SLC4A10: variants seen among roughly 807,000 people sequenced by gnomAD.
SLC4A10 encodes sodium-driven chloride bicarbonate exchanger.
In SLC4A10, 42 loss-of-function variants were observed where a neutral mutation model predicts 137.7. That is an observed-to-expected ratio of 0.30 (90% CI 0.24 to 0.39). The LOEUF is 0.39. Ranked by LOEUF, SLC4A10 falls within the 10% of genes least tolerant of loss-of-function variation. SLC4A10 has a pLI of 1.00. For missense variants in SLC4A10, 925 were observed against 1,355.0 expected (o/e 0.68, Z 4.98); for synonymous variants, 474 against 464.1 (o/e 1.02, Z -0.27).
chr2:161,805,123 A>AT (rs1165978815), intron 3 of SLC4A10, among the ~76,000 whole-genome samples: 1 of 152,198 alleles, frequency 6.6e-6, no homozygotes, highest in African/African-American at 2.4e-5. Context: ...CATGTCTTAC[A>AT]TGGGTGGCAG....
At chr2:161,742,439 C>CTTTTTTTTTTTTTT (rs35953656) in intron 1 of SLC4A10, among the ~76,000 whole-genome samples, 11 of 82,562 alleles carry the variant, frequency 1.3e-4, no homozygotes, top group East Asian at 3.0e-4. Flanking sequence ...TTCTTTCTTT[C>CTTTTTTTTTTTTTT]TTTTTTTTTT....
intron 1 of SLC4A10, among the ~76,000 whole-genome samples, chr2:161,743,649 A>G (rs1247463839): frequency 6.7e-6 from 1 of 150,140 alleles, no homozygotes; most frequent in African/African-American, 2.5e-5. Context: ...ACATTTTTGG[A>G]TTTTTTTTTC....
intron 3 of SLC4A10, among the ~76,000 whole-genome samples, chr2:161,810,473 G>T (rs1316219433): frequency 6.6e-6 from 1 of 151,868 alleles, no homozygotes; most frequent in African/African-American, 2.4e-5. Context: ...TATAGCTTTT[G>T]CCCATTCAGT....
chr2:161,884,902 G>T (rs1026625085), intron 10 of SLC4A10, among the ~76,000 whole-genome samples: 1 of 152,138 alleles, frequency 6.6e-6, no homozygotes, highest in African/African-American at 2.4e-5. Flanking sequence ...ACTAGGCCAG[G>T]TGTAATGGCT....
chr2:161,719,894 T>C (rs2045429280), intron 1 of SLC4A10, among the ~76,000 whole-genome samples: 1 of 152,200 alleles, frequency 6.6e-6, no homozygotes, highest in Non-Finnish European at 1.5e-5. Flanking sequence ...AGCTCTTTAG[T>C]TTAATTAGAT....
intron 1 of SLC4A10, among the ~76,000 whole-genome samples, chr2:161,749,856 T>G (rs779539833): frequency 6.6e-6 from 1 of 151,888 alleles, no homozygotes; most frequent in African/African-American, 2.4e-5. Flanking sequence ...GTTTTTTGAA[T>G]GATTGGAAGA....
intron 2 of SLC4A10, among the ~76,000 whole-genome samples, chr2:161,799,641 A>G (rs1358849367): frequency 2.0e-5 from 3 of 152,010 alleles, no homozygotes; most frequent in African/African-American, 7.2e-5. Context: ...TCTACCATGT[A>G]ACAGGCATTG....
At chr2:161,639,988 T>C (rs1311047162) in intron 1 of SLC4A10, among the ~76,000 whole-genome samples, 1 of 152,162 alleles carries the variant, frequency 6.6e-6, no homozygotes, top group East Asian at 1.9e-4. Flanking sequence ...GGAAACTATC[T>C]GAAAAATAAA....
intron 23 of SLC4A10, among the ~76,000 whole-genome samples, chr2:161,973,082 C>G (rs528415890): frequency 4.7e-4 from 71 of 152,226 alleles, no homozygotes; most frequent in Non-Finnish European, 7.9e-4. Flanking sequence ...GAAGCTGGGT[C>G]AGGCCAGCTT....
intron 10 of SLC4A10, among the ~76,000 whole-genome samples, chr2:161,893,079 T>C (rs896637116): frequency 3.9e-5 from 6 of 152,098 alleles, no homozygotes; most frequent in African/African-American, 1.4e-4. Context: ...AAAAGCAATG[T>C]GATAAGTCAC....
chr2:161,628,157 T>C (rs942639350), intron 1 of SLC4A10, among the ~76,000 whole-genome samples: 1 of 152,080 alleles, frequency 6.6e-6, no homozygotes, highest in African/African-American at 2.4e-5. Context: ...CAATGTTGAA[T>C]TTGCTTTTAG....
intron 3 of SLC4A10, among the ~76,000 whole-genome samples, chr2:161,834,457 A>G (rs969928416): frequency 6.6e-6 from 1 of 152,138 alleles, no homozygotes; most frequent in African/African-American, 2.4e-5. Flanking sequence ...AAAATCAATG[A>G]TCTTTCAGAA....
chr2:161,859,049 G>A (rs1417840920), intron 5 of SLC4A10, among the ~76,000 whole-genome samples: 1 of 151,928 alleles, frequency 6.6e-6, no homozygotes, highest in Admixed American at 6.6e-5. Context: ...TAGGAACTTC[G>A]TATCATATTC....
chr2:161,704,266 T>G (rs963336617), intron 1 of SLC4A10, among the ~76,000 whole-genome samples: 1 of 151,694 alleles, frequency 6.6e-6, no homozygotes, highest in Non-Finnish European at 1.5e-5. Flanking sequence ...TGTACTAGCT[T>G]TAGCCCAGTA....
Position 161,624,476 on chromosome 2 carries a change from GAC to G in SLC4A10, c.-40_-39del. On this transcript the variant is annotated 5_prime_UTR_variant, in exon 1 of 27. Transcript: ENST00000446997. The stretch of plus-strand genomic sequence containing the variant: ...GCCGGGCTGAGTGTAAGACACTGAA[GAC>G]ACTGCAGAGCAAGGTGCTTATTCCA... The G allele has an allele frequency of 6.4e-7, 1 of 1,551,474 alleles. No homozygotes were observed. The highest frequency in any genetic ancestry group is 2.0e-5 in the Admixed American group (1 of 50,974).
chr2:161,883,773 C>G (rs1448679138), intron 10 of SLC4A10, among the ~76,000 whole-genome samples: 1 of 152,078 alleles, frequency 6.6e-6, no homozygotes, highest in East Asian at 1.9e-4. Context: ...ACATGGCTTT[C>G]TCCCAGTTGT....
rs2045429576 is a variant in SLC4A10, at chr2:161,719,898, A to G, written c.49-51075A>G. ...TGCTGTGCAGAAGCTCTTTAGTTTA[A>G]TTAGATCCCATTTGTCAATTTTGGC... On this transcript the variant is annotated intron_variant, in intron 1 of 26. Transcript: ENST00000446997. 3.9e-5 allele frequency among the ~76,000 whole-genome samples: 6 copies of G among 152,236 alleles called. 1 individual carries two copies. The South Asian group carries it at 1.2e-3, about 32-fold the overall frequency.
rs1255963279 is a variant in SLC4A10, at chr2:161,804,541, A to C, written c.223A>C (p.Arg75=). The change falls in exon 3 of 27, where the codon AGA becomes CGA. Residue 75 remains arginine, a synonymous_variant. Coordinates refer to ENST00000446997, the MANE Select transcript of SLC4A10 (RefSeq NM_001178015.2). The part of the protein sequence containing the change: ...HRHRGHKHRK[R]DRERDSGLED... ...GCATCGTGGTCATAAACACAGAAAGAGAGACAGAGAAAGAGATTCAGGATT... is the reference window on the plus strand; with the variant it reads ...GCATCGTGGTCATAAACACAGAAAGCGAGACAGAGAAAGAGATTCAGGATT... The C allele has an allele frequency of 6.2e-7, 1 of 1,613,214 alleles. No individual in the cohort carries two copies. The highest frequency in any genetic ancestry group is 2.2e-5 in the East Asian group (1 of 44,812).
intron 8 of SLC4A10, among the ~76,000 whole-genome samples, chr2:161,875,972 C>G (rs1362083750): frequency 6.6e-6 from 1 of 152,156 alleles, no homozygotes; most frequent in South Asian, 2.1e-4. Context: ...ATCTGTTTTT[C>G]CTTTAACTCT....
Sources: allele counts gnomAD v4.1 joint callset (sites outside exome capture counted in the v4.1 genomes callset), GRCh38; gene constraint gnomAD v4.1.1; transcripts MANE v1.5; gene names NCBI Gene and HGNC (gene_info 2026-07-23, HGNC 2026-07-21).